SYN3: variants seen among roughly 807,000 people sequenced by gnomAD.
SYN3 encodes the protein synapsin III.
A neutral mutation model predicts 65.8 loss-of-function variants in SYN3; 35 were observed. The ratio of observed to expected loss-of-function variants is 0.53; its 90% CI spans 0.41 to 0.70. The LOEUF is 0.70. Among genes scored for constraint, SYN3 ranks in the 30% least tolerant of loss-of-function variants. SYN3 has a pLI of 0.00. For synonymous variants in SYN3, 270 were observed against 292.9 expected (o/e 0.92, Z 0.80); for missense variants, 680 against 749.0 (o/e 0.91, Z 1.08).
intron 10 of SYN3, among the ~76,000 whole-genome samples, chr22:32,529,598 G>C (rs549727746): frequency 6.6e-6 from 1 of 152,180 alleles, no homozygotes; most frequent in Non-Finnish European, 1.5e-5. Context: ...TGAGGGATCC[G>C]AGTTTCCCCT....
chr22:32,993,701 T>C (rs1958676095), intron 2 of SYN3, among the ~76,000 whole-genome samples: 1 of 149,208 alleles, frequency 6.7e-6, no homozygotes, highest in African/African-American at 2.5e-5. Context: ...GTGTAGATGG[T>C]GCCTGGGAAT....
intron 4 of SYN3, among the ~76,000 whole-genome samples, chr22:32,870,501 T>G (rs1256881317): frequency 6.6e-6 from 1 of 152,230 alleles, no homozygotes; most frequent in Non-Finnish European, 1.5e-5. Context: ...ATATTTCATA[T>G]ACAAATCAGT....
chr22:32,661,612 C>T (rs2060218052), intron 6 of SYN3, among the ~76,000 whole-genome samples: 1 of 152,210 alleles, frequency 6.6e-6, no homozygotes, highest in Admixed American at 6.5e-5. Flanking sequence ...GGCTCCACAG[C>T]TGCCCTAGAG....
chr22:32,519,599 A>T (rs1292307195), intron 12 of SYN3: 2 of 152,178 alleles, frequency 1.3e-5, no homozygotes, highest in African/African-American at 4.8e-5. Flanking sequence ...AGGCTTCCAC[A>T]AGCAAGCCAA....
intron 6 of SYN3, among the ~76,000 whole-genome samples, chr22:32,818,732 C>T (rs985289310): frequency 1.3e-5 from 2 of 152,180 alleles, no homozygotes; most frequent in East Asian, 1.9e-4. Flanking sequence ...TCACTGTGGC[C>T]GGCCTAGGGG....
intron 6 of SYN3, among the ~76,000 whole-genome samples, chr22:32,626,520 G>C (rs529606039): frequency 3.3e-5 from 5 of 152,184 alleles, no homozygotes; most frequent in Non-Finnish European, 7.3e-5. Flanking sequence ...GAGTAAACAA[G>C]GACCGAGAGT....
intron 6 of SYN3, among the ~76,000 whole-genome samples, chr22:32,683,379 C>T (rs895094389): frequency 1.2e-4 from 18 of 152,094 alleles, no homozygotes; most frequent in African/African-American, 4.3e-4. Context: ...CATGGCCATA[C>T]TTTTTATGCC....
At chr22:32,794,107 G>T (rs2046378424) in intron 6 of SYN3, among the ~76,000 whole-genome samples, 1 of 152,196 alleles carries the variant, frequency 6.6e-6, no homozygotes. Flanking sequence ...TTTGGCCAGT[G>T]GTTGTGAGCA....
At chr22:32,937,995 G>A (rs1456156887) in intron 3 of SYN3, among the ~76,000 whole-genome samples, 1 of 152,098 alleles carries the variant, frequency 6.6e-6, no homozygotes, top group African/African-American at 2.4e-5. Context: ...TACATTTAAT[G>A]AAAACTGGAC....
chr22:32,990,298 A>G (rs1265309181), intron 2 of SYN3, among the ~76,000 whole-genome samples: 1 of 131,886 alleles, frequency 7.6e-6, no homozygotes, highest in Admixed American at 7.5e-5. Context: ...GAATCCATCC[A>G]TGAATCCATC....
At chr22:32,936,815 C>T (rs980738715) in intron 3 of SYN3, among the ~76,000 whole-genome samples, 1 of 152,168 alleles carries the variant, frequency 6.6e-6, no homozygotes, top group African/African-American at 2.4e-5. Flanking sequence ...AACTAAAAGT[C>T]CCATTTCTCA....
chr22:32,752,852 G>C (rs960991236), intron 6 of SYN3, among the ~76,000 whole-genome samples: 2 of 152,140 alleles, frequency 1.3e-5, no homozygotes, highest in East Asian at 3.9e-4. Flanking sequence ...GAGCATGCAT[G>C]GGGGGCCGGC....
intron 7 of SYN3, among the ~76,000 whole-genome samples, chr22:32,596,194 T>A (rs1453700646): frequency 6.6e-6 from 1 of 152,124 alleles, no homozygotes; most frequent in African/African-American, 2.4e-5. Context: ...TCCTGAGGCC[T>A]CCCCAGCCAT....
chr22:32,633,396 G>A (rs1243853158), intron 6 of SYN3, among the ~76,000 whole-genome samples: 2 of 152,044 alleles, frequency 1.3e-5, no homozygotes, highest in Non-Finnish European at 2.9e-5. Flanking sequence ...CCTAGGATAG[G>A]CCATGTTCCA....
rs1036752631 is a variant in SYN3, at chr22:32,507,935, G to A, written c.*5757C>T. 5.3e-5 allele frequency among the ~76,000 whole-genome samples: 8 copies of A among 151,402 alleles called. No individual in the cohort carries two copies. Among genetic ancestry groups the A allele is most frequent in the Non-Finnish European group, 8.8e-5 (6 of 67,940 alleles). On this transcript the variant is annotated 3_prime_UTR_variant, in exon 14 of 14. Transcript: ENST00000358763. ...CTCTCCCACTCTAGGTTCCCACGCC[G>A]CCCCTAATCCCACTCGAAGCAGCCC... is the stretch of plus-strand genomic sequence containing the variant.
chr22:32,731,139 C>T (rs2061265421), intron 6 of SYN3, among the ~76,000 whole-genome samples: 1 of 152,198 alleles, frequency 6.6e-6, no homozygotes, highest in Non-Finnish European at 1.5e-5. Flanking sequence ...CTCAGCCCAG[C>T]TCCTGGCATA....
intron 6 of SYN3, among the ~76,000 whole-genome samples, chr22:32,637,390 C>T (rs538062563): frequency 4.6e-5 from 7 of 152,204 alleles, no homozygotes; most frequent in Admixed American, 4.6e-4. Flanking sequence ...TAAAGTCTGC[C>T]GAATACACAG....
chr22:32,542,165 C>T (rs577759483), intron 7 of SYN3, among the ~76,000 whole-genome samples: 139 of 152,210 alleles, frequency 9.1e-4, no homozygotes, highest in Non-Finnish European at 1.6e-3. Flanking sequence ...TGGAAAGCCA[C>T]TGGAAGAGGG....
intron 6 of SYN3, among the ~76,000 whole-genome samples, chr22:32,669,683 G>A (rs1368453049): frequency 6.6e-6 from 1 of 152,174 alleles, no homozygotes; most frequent in African/African-American, 2.4e-5. Flanking sequence ...TTTTATACAT[G>A]GTTGTCCAGA....
Sources: allele counts gnomAD v4.1 joint callset (sites outside exome capture counted in the v4.1 genomes callset), GRCh38; gene constraint gnomAD v4.1.1; transcripts MANE v1.5; gene names NCBI Gene and HGNC (gene_info 2026-07-23, HGNC 2026-07-21).